The following SMCHD1 variants were observed in gnomAD, a reference collection of about 807,000 sequenced individuals.
SMCHD1 encodes structural maintenance of chromosomes flexible hinge domain containing 1, also known as structural maintenance of chromosomes flexible hinge domain-containing protein 1.
Under a neutral mutation model 254.7 loss-of-function variants are expected in SMCHD1, and 78 were observed. That is an observed-to-expected ratio of 0.31 (90% confidence interval 0.26 to 0.37). The LOEUF is 0.37. Ranked by LOEUF, SMCHD1 falls within the 10% of genes least tolerant of loss-of-function variation. SMCHD1 has a pLI of 1.00. For missense variants in SMCHD1, 1,840 were observed against 2,408.1 expected (o/e 0.76, Z 4.94); for synonymous variants, 766 against 794.9 (o/e 0.96, Z 0.61).
chr18:2,752,449 A>AT, intron 33 of SMCHD1, 39 bp from the exon 34 acceptor site: 1 of 1,427,824 alleles, frequency 7.0e-7, no homozygotes, highest in Non-Finnish European at 9.9e-7. Flanking sequence ...AAATTTTGTC[A>AT]TTTTCCCCTC....
chr18:2,658,933 TACAC>T (rs2073161882), intron 1 of SMCHD1, among the ~76,000 whole-genome samples: 2 of 146,676 alleles, frequency 1.4e-5, no homozygotes, highest in Non-Finnish European at 3.0e-5. Flanking sequence ...TACACATATA[TACAC>T]ATATATATAC....
At chr18:2,686,937 T>C (rs1380074348) in intron 5 of SMCHD1, among the ~76,000 whole-genome samples, 9 of 152,168 alleles carry the variant, frequency 5.9e-5, no homozygotes, top group Non-Finnish European at 1.3e-4. Flanking sequence ...TTCTCTTAAA[T>C]TTATTGTCTT....
In SMCHD1 at chr18:2,739,452, A is replaced by G. The variant is rs2075307993; in HGVS notation, c.3446A>G (p.Lys1149Arg). Residue 1149 changes from lysine to arginine, a missense_variant, in exon 27 of 48, where the codon AAA (lysine) becomes AGA (arginine). This residue lies in a region of SMCHD1 where 881 missense variants were observed against 1,009.5 expected (regional missense o/e 0.87). Coordinates refer to ENST00000320876, the MANE Select transcript of SMCHD1 (RefSeq NM_015295.3). ...FTVRPLPDEPKHLKCEMKGGK... is the reference protein window; with the variant it reads ...FTVRPLPDEPRHLKCEMKGGK... ...TTCAGACCACTTCCTGATGAACCTAAACATTTAAAATGTGAAATGAAAGGA... is the reference window on the plus strand; with the variant it reads ...TTCAGACCACTTCCTGATGAACCTAGACATTTAAAATGTGAAATGAAAGGA... The G allele has an allele frequency of 3.7e-6, 6 of 1,613,048 alleles. No homozygotes were observed. Among genetic ancestry groups the G allele is most frequent in the Non-Finnish European group, 5.1e-6 (6 of 1,179,430 alleles).
chr18:2,684,763 AACTATAGCTGTT>A lies in SMCHD1; in HGVS notation c.639-3627_639-3616del, dbSNP rs199735846. Reference sequence around the variant, plus strand: ...CATTTTATTTCCTTTTTGGCTTATTAACTATAGCTGTTACTTTACTGGAAACTCTAGGATTCA... The same window carrying A: ...CATTTTATTTCCTTTTTGGCTTATTAACTTTACTGGAAACTCTAGGATTCA... On this transcript the variant is annotated intron_variant, in intron 5 of 47. Transcript: ENST00000320876. Among the ~76,000 whole-genome samples, 177 of 108,918 alleles carry A rather than the reference AACTATAGCTGTT, an allele frequency of 1.6e-3. 3 individuals are homozygous for A. The East Asian group carries it at 0.05, about 31-fold the overall frequency. 71.5% of individuals were successfully genotyped at this position (108,918 alleles called of 152,430 possible). A position where few individuals can be genotyped will look rare whatever the true frequency, so the allele number is the denominator to read the frequency against.
chr18:2,668,579 T>G (rs974941981), intron 3 of SMCHD1, among the ~76,000 whole-genome samples: 1 of 152,160 alleles, frequency 6.6e-6, no homozygotes, highest in Non-Finnish European at 1.5e-5. Flanking sequence ...ACAAAAAAGC[T>G]CTTCTCCCAT....
At chr18:2,683,561 T>C (rs2073976504) in intron 5 of SMCHD1, among the ~76,000 whole-genome samples, 1 of 152,252 alleles carries the variant, frequency 6.6e-6, no homozygotes, top group African/African-American at 2.4e-5. Flanking sequence ...ATGAATTTTC[T>C]ATGTGTCTTT....
At chr18:2,663,077 GT>G (rs1332250139) in intron 1 of SMCHD1, among the ~76,000 whole-genome samples, 1 of 152,012 alleles carries the variant, frequency 6.6e-6, no homozygotes, top group Non-Finnish European at 1.5e-5. Flanking sequence ...TTTTTATGTT[GT>G]CTGGTCTTTT....
chr18:2,775,956 GA>G (rs1225201430), intron 42 of SMCHD1, 32 bp downstream of exon 42: 18 of 1,496,650 alleles, frequency 1.2e-5, no homozygotes, highest in Non-Finnish European at 1.6e-5. Flanking sequence ...TTTTTTTTCT[GA>G]AATATATTTT....
rs946457542 is a variant in SMCHD1, at chr18:2,721,327, G to C, written c.2459-1192G>C. Among the ~76,000 whole-genome samples the C allele has an allele frequency of 2.0e-5, 3 of 152,028 alleles. No individual in the cohort carries two copies. In the South Asian group the frequency reaches 6.2e-4, roughly 32 times the overall value. The stretch of plus-strand genomic sequence containing the variant: ...GTCATTGTTACAGGGTTTTTGGAGA[G>C]AACTGATCTAGGTAGCTGTGATATC... On this transcript the variant is annotated intron_variant, in intron 19 of 47. Transcript: ENST00000320876.
chr18:2,656,000 G>C lies in SMCHD1; in HGVS notation c.-76G>C. On this transcript the variant is annotated 5_prime_UTR_variant, in exon 1 of 48. Coordinates refer to ENST00000320876, the MANE Select transcript of SMCHD1 (RefSeq NM_015295.3). ...GCCGCCCCGGGAGCTGGAGCTGAAG[G>C]CGCCGCGCGGAGCGCGCACCTCAGC... 1 of 1,198,798 alleles carries C rather than the reference G, an allele frequency of 8.3e-7. No individual in the cohort carries two copies. The highest frequency in any genetic ancestry group is 1.0e-6 in the Non-Finnish European group (1 of 954,070). The allele number at this position is 1,198,798 out of a possible 1,614,324, so 74.3% of individuals were successfully genotyped here. A position where few individuals can be genotyped will look rare whatever the true frequency, so the allele number is the denominator to read the frequency against.
intron 21 of SMCHD1, among the ~76,000 whole-genome samples, chr18:2,725,806 A>G (rs1194689238): frequency 1.3e-5 from 2 of 151,888 alleles, no homozygotes; most frequent in Non-Finnish European, 1.5e-5. Context: ...AGTAAGATAA[A>G]CTTACTAAAA....
In SMCHD1 at chr18:2,750,478, C is replaced by A. The variant is rs769623229; in HGVS notation, c.4136C>A (p.Ala1379Glu). The stretch of plus-strand genomic sequence containing the variant: ...CTCAATGTTAAATATGACAAAGATG[C>A]ATCCTTCTTAGCAGGGGGTCTTTTC... ...VRLNVKYDKD[A>E]SFLAGGLFTD... The change falls in exon 32 of 48, where the codon GCA becomes GAA. Residue 1379 changes from alanine to glutamate, a missense_variant. This residue lies in a region of SMCHD1 where 881 missense variants were observed against 1,009.5 expected (regional missense o/e 0.87). Transcript: ENST00000320876. 3 of 1,608,394 alleles carry A rather than the reference C, an allele frequency of 1.9e-6. No homozygotes were observed. Among genetic ancestry groups the A allele is most frequent in the South Asian group, 2.2e-5 (2 of 90,386 alleles).
intron 34 of SMCHD1, among the ~76,000 whole-genome samples, chr18:2,757,611 G>T (rs2143662692): frequency 6.6e-6 from 1 of 152,138 alleles, no homozygotes; most frequent in Middle Eastern, 3.4e-3. Flanking sequence ...TACCCTGTAT[G>T]ATTTCAGTCC....
At chr18:2,794,462 T>C (rs887095835) in intron 45 of SMCHD1, among the ~76,000 whole-genome samples, 3 of 152,178 alleles carry the variant, frequency 2.0e-5, no homozygotes, top group Admixed American at 2.0e-4. Context: ...GCAGTGATTA[T>C]GTCACTGCAC....
At position 2,700,532 on chromosome 18, in the gene SMCHD1, G is replaced by A; in HGVS notation, c.1343-7G>A. On this transcript the variant is annotated splice_region_variant and splice_polypyrimidine_tract_variant and intron_variant, in intron 10 of 47. Coordinates refer to ENST00000320876, the MANE Select transcript of SMCHD1 (RefSeq NM_015295.3). ...AACATTTTGTTCCATTTGCCCTTTTGATCTAGAATTAAAAGATGAAGATGA... is the reference window on the plus strand; with the variant it reads ...AACATTTTGTTCCATTTGCCCTTTTAATCTAGAATTAAAAGATGAAGATGA... 1 of 1,598,890 alleles carries A rather than the reference G, an allele frequency of 6.3e-7. No homozygotes were observed. Among genetic ancestry groups the A allele is most frequent in the East Asian group, 2.2e-5 (1 of 44,702 alleles).
chr18:2,738,666 C>G, intron 26 of SMCHD1, 121 bp downstream of exon 26: 1 of 890,978 alleles, frequency 1.1e-6, no homozygotes. Context: ...AATAGATTGT[C>G]TTTGGAATAA....
Position 2,762,169 on chromosome 18 carries a change from C to T in SMCHD1, c.4499C>T (p.Pro1500Leu), listed in dbSNP as rs913259326. The T allele has an allele frequency of 6.2e-7, 1 of 1,613,482 alleles. No individual in the cohort carries two copies. Among genetic ancestry groups the T allele is most frequent in the African/African-American group, 1.3e-5 (1 of 75,000 alleles). ...KLVPKIKPPTPAVSNVRSVAS... is the reference protein window; with the variant it reads ...KLVPKIKPPTLAVSNVRSVAS... ...GTACCTAAAATTAAACCACCTACAC[C>T]AGCTGTTTCAAATGTTCGCTCAGTT... The change falls in exon 36 of 48, where the codon CCA becomes CTA. Residue 1500 changes from proline (P) to leucine (L), a missense_variant. Physicochemically the swap from Pro to Leu is moderately conservative, Grantham distance 98. Transcript: ENST00000320876.
Position 2,796,391 on chromosome 18 carries a change from T to A in SMCHD1, c.5879-16T>A. On this transcript the variant is annotated splice_polypyrimidine_tract_variant and intron_variant, in intron 46 of 47. Coordinates refer to ENST00000320876, the MANE Select transcript of SMCHD1 (RefSeq NM_015295.3). ...TTTATTGTAAATTTAACTTTCTACA[T>A]TTTCCATCTTCACAGGTATGACTCC... 1 of 1,460,580 alleles carries A rather than the reference T, an allele frequency of 6.8e-7. No individual in the cohort carries two copies. The highest frequency in any genetic ancestry group is 9.3e-7 in the Non-Finnish European group (1 of 1,072,328). 90.5% of individuals were successfully genotyped at this position (1,460,580 alleles called of 1,614,324 possible). A position where few individuals can be genotyped will look rare whatever the true frequency, so the allele number is the denominator to read the frequency against.
chr18:2,713,255 G>GTAAT (rs1265736028), intron 17 of SMCHD1, among the ~76,000 whole-genome samples: 1 of 152,138 alleles, frequency 6.6e-6, no homozygotes, highest in African/African-American at 2.4e-5. Flanking sequence ...TATATAGGAG[G>GTAAT]TAATTAATTA....
Sources: gnomAD v4.1 joint callset for allele counts (sites outside exome capture counted in the v4.1 genomes callset) on GRCh38, gnomAD v4.1.1 for gene constraint, gnomAD v4.1.1 regional missense constraint, MANE v1.5 for transcripts, NCBI Gene and HGNC (gene_info 2026-07-23, HGNC 2026-07-21) for gene names.